Variants in CEMIP observed in about 807,000 individuals in gnomAD.
CEMIP encodes the protein cell migration inducing hyaluronidase 1, also known as cell migration-inducing and hyaluronan-binding protein.
A neutral mutation model predicts 156.9 loss-of-function variants in CEMIP; 105 were observed. The ratio of observed to expected loss-of-function variants is 0.67; its 90% CI spans 0.57 to 0.79. The LOEUF is 0.79. CEMIP is among the 30% of genes least tolerant of loss of function. The pLI is 0.00. For synonymous variants in CEMIP, 676 were observed against 668.4 expected (o/e 1.01, Z -0.17); for missense variants, 1,457 against 1,769.4 (o/e 0.82, Z 3.17).
chr15:80,905,381 G>C (rs1899755064), intron 12 of CEMIP, among the ~76,000 whole-genome samples: 1 of 152,228 alleles, frequency 6.6e-6, no homozygotes, highest in Admixed American at 6.5e-5. Context: ...GCCCGCCTAA[G>C]ATCTCTTTAT....
rs1900978188 is a variant in CEMIP at position 80,932,921 on chromosome 15, C to A, written c.2794-324C>A. On this transcript the variant is annotated intron_variant, in intron 22 of 29. Transcript: ENST00000394685. This position sits in a 1 kb window ranked among gnomAD's most constrained non-coding sequence, Gnocchi z 4.5. ...TCTCACACACAGTCACACTCACAGT[C>A]CTCAGTCCCCCTCCTCCATCTCTGC... is the stretch of plus-strand genomic sequence containing the variant. Among the ~76,000 whole-genome samples, 1 of 152,184 alleles carries A rather than the reference C, an allele frequency of 6.6e-6. No homozygotes were observed. The highest frequency in any genetic ancestry group is 1.5e-5 in the Non-Finnish European group (1 of 68,046).
intron 1 of CEMIP, among the ~76,000 whole-genome samples, chr15:80,866,252 C>T (rs1224209717): frequency 6.6e-6 from 1 of 152,052 alleles, no homozygotes; most frequent in Non-Finnish European, 1.5e-5. Flanking sequence ...AGGTGGTTCC[C>T]CATTGGAAAT....
At chr15:80,903,613 G>A (rs1366875008) in intron 12 of CEMIP, among the ~76,000 whole-genome samples, 5 of 152,190 alleles carry the variant, frequency 3.3e-5, no homozygotes, top group African/African-American at 1.2e-4. Context: ...TAAACGGGGA[G>A]CTGAGTTTTG....
chr15:80,928,491 A>G (rs978803445), intron 19 of CEMIP, among the ~76,000 whole-genome samples: 4 of 152,078 alleles, frequency 2.6e-5, no homozygotes, highest in African/African-American at 9.7e-5. Context: ...AAAAAAAAAT[A>G]GAAGTGCATT....
chr15:80,864,970 G>T (rs1004529472), intron 1 of CEMIP, among the ~76,000 whole-genome samples: 1 of 152,008 alleles, frequency 6.6e-6, no homozygotes, highest in African/African-American at 2.4e-5. Flanking sequence ...GAATACCACC[G>T]TGAGAACTGT....
intron 12 of CEMIP, among the ~76,000 whole-genome samples, chr15:80,899,161 C>T (rs1296598818): frequency 5.4e-5 from 8 of 147,292 alleles, no homozygotes; most frequent in African/African-American, 1.5e-4. Flanking sequence ...TGCAGTGAGC[C>T]AAGATCATGC....
chr15:80,844,125 C>T (rs1225402205), intron 1 of CEMIP, among the ~76,000 whole-genome samples: 1 of 152,264 alleles, frequency 6.6e-6, no homozygotes, highest in East Asian at 1.9e-4. Flanking sequence ...CCAGCCATCG[C>T]TCAGGCGGGT....
intron 1 of CEMIP, among the ~76,000 whole-genome samples, chr15:80,862,500 G>A (rs1898012657): frequency 6.6e-6 from 1 of 152,208 alleles, no homozygotes; most frequent in Non-Finnish European, 1.5e-5. Flanking sequence ...TATGTGTGTT[G>A]AATGAACCTC....
chr15:80,865,495 T>G lies in CEMIP; in HGVS notation c.-175-8043T>G, dbSNP rs8039204. On this transcript the variant is annotated intron_variant, in intron 1 of 29. Transcript: ENST00000394685. ...GCGCCCGGCCAAGGAACTAAATTTT[T>G]AATTTTATCTAATTATAATTGAATT... 3.9e-3 allele frequency among the ~76,000 whole-genome samples: 594 copies of G among 152,290 alleles called. 2 individuals carry two copies. Among genetic ancestry groups the G allele is most frequent in the African/African-American group, 0.013 (558 of 41,568 alleles).
chr15:80,878,735 C>A lies in CEMIP; in HGVS notation c.109C>A (p.Pro37Thr). Residue 37 changes from proline (P) to threonine (T), a missense_variant, in exon 4 of 30, where the codon CCT (proline) becomes ACT (threonine). By Grantham distance (38) the Pro-to-Thr change is conservative. Transcript: ENST00000394685. ...GTCCTTGGCAGTGGCTGCTGGGTGC[C>A]CTGACCAGAGCCCTGAGTTGCAACC... The part of the protein sequence containing the change: ...GATSTVAAGC[P>T]DQSPELQPWN... 5 of 1,614,118 alleles carry A rather than the reference C, an allele frequency of 3.1e-6. No homozygotes were observed. Among genetic ancestry groups the A allele is most frequent in the Non-Finnish European group, 4.2e-6 (5 of 1,180,018 alleles).
chr15:80,921,873 G>T, intron 16 of CEMIP, 136 bp from the exon 17 acceptor site: 3 of 1,026,014 alleles, frequency 2.9e-6, no homozygotes, highest in Non-Finnish European at 4.6e-6. Context: ...GTGTGTTGGG[G>T]GTGGGCACCG....
Position 80,925,814 on chromosome 15 carries a change from C to T in CEMIP, c.2420+59C>T, listed in dbSNP as rs892993655. The T allele has an allele frequency of 1.8e-5, 29 of 1,580,858 alleles. No individual in the cohort carries two copies. In the South Asian group the frequency reaches 2.5e-4, roughly 14 times the overall value. The stretch of plus-strand genomic sequence containing the variant: ...GGGGGCATGGCGCGTCTTCCCCTAG[C>T]CCCCTACAGAGACAGGAGAGCAAAG... On this transcript the variant is annotated intron_variant, in intron 19 of 29. Transcript: ENST00000394685.
intron 1 of CEMIP, 38 bp from the exon 2 acceptor site, chr15:80,873,500 T>C (rs1898363702): frequency 3.4e-6 from 1 of 293,594 alleles, no homozygotes; most frequent in South Asian, 3.5e-5. Context: ...TCATGTTCAG[T>C]GGGAGTATTT....
At chr15:80,832,013 A>T (rs188268061) in intron 1 of CEMIP, among the ~76,000 whole-genome samples, 1 of 152,370 alleles carries the variant, frequency 6.6e-6, no homozygotes, top group Non-Finnish European at 1.5e-5. Flanking sequence ...ATCTTTTGTC[A>T]TTCAAATGGA....
chr15:80,924,755 C>G, intron 18 of CEMIP, 49 bp downstream of exon 18: 4 of 1,453,988 alleles, frequency 2.8e-6, no homozygotes, highest in Non-Finnish European at 3.9e-6. Context: ...TGCAGTCCAG[C>G]TCCTGCCTCC....
chr15:80,863,787 C>T (rs1898045721), intron 1 of CEMIP, among the ~76,000 whole-genome samples: 2 of 152,132 alleles, frequency 1.3e-5, no homozygotes, highest in Non-Finnish European at 2.9e-5. Context: ...TGCTGCATTT[C>T]CATCACCCCT....
chr15:80,858,091 C>T (rs1347931507), intron 1 of CEMIP, among the ~76,000 whole-genome samples: 1 of 152,140 alleles, frequency 6.6e-6, no homozygotes, highest in Non-Finnish European at 1.5e-5. Context: ...ATAAAGGGCT[C>T]TGACTTCATT....
At chr15:80,809,585 A>C (rs149572216) in intron 1 of CEMIP, among the ~76,000 whole-genome samples, 2 of 152,318 alleles carry the variant, frequency 1.3e-5, no homozygotes, top group East Asian at 3.9e-4. Context: ...AGTCCTGTGG[A>C]TAGGAAGCAT....
chr15:80,921,930 G>A (rs554972142), intron 16 of CEMIP, 79 bp from the exon 17 acceptor site: 536 of 1,595,976 alleles, frequency 3.4e-4, no homozygotes, highest in Non-Finnish European at 4.3e-4. Context: ...CATCTCCGGC[G>A]TGGGCCGCGT....
Sources: allele counts gnomAD v4.1 joint callset (sites outside exome capture counted in the v4.1 genomes callset), GRCh38; gene constraint gnomAD v4.1.1; non-coding constraint Gnocchi (gnomAD v3.1); transcripts MANE v1.5; gene names NCBI Gene and HGNC (gene_info 2026-07-23, HGNC 2026-07-21).